The following LZTS1 variants were observed in gnomAD, a reference collection of about 807,000 sequenced individuals.
LZTS1 encodes leucine zipper tumor suppressor 1.
Under a neutral mutation model 45.8 loss-of-function variants are expected in LZTS1, and 31 were observed. The observed-to-expected ratio is 0.68, with a 90% CI of 0.51 to 0.91. The LOEUF (loss-of-function observed/expected upper bound fraction) is 0.91. Ranked by LOEUF, LZTS1 falls within the 40% of genes least tolerant of loss-of-function variation. The pLI is 0.00. For missense variants in LZTS1, 821 were observed against 788.9 expected (o/e 1.04, Z -0.49); for synonymous variants, 359 against 357.3 (o/e 1.00, Z -0.05).
rs1254068027 is a variant in LZTS1 at position 20,303,814 on chromosome 8, T to C, written c.-209A>G. The C allele has an allele frequency of 1.0e-6, 1 of 983,350 alleles. No individual in the cohort carries two copies. Among genetic ancestry groups the C allele is most frequent in the Non-Finnish European group, 1.2e-6 (1 of 829,450 alleles). The allele number at this position is 983,350 out of a possible 1,614,324, so 60.9% of individuals were successfully genotyped here. On this transcript the variant is annotated 5_prime_UTR_variant, in exon 1 of 4. Coordinates refer to ENST00000381569, the MANE Select transcript of LZTS1 (RefSeq NM_021020.5). ...TTTCCCGGTGTGTTCCCGTCTCTCT[T>C]TTTCCAGAGCTGCTGAGCGGGCCGG...
chr8:20,302,704 G>A lies in LZTS1; in HGVS notation c.-135+1036C>T, dbSNP rs184339851. 3.0e-3 allele frequency among the ~76,000 whole-genome samples: 451 copies of A among 152,354 alleles called. 7 individuals carry two copies. Among genetic ancestry groups the A allele is most frequent in the Admixed American group, 0.027 (411 of 15,310 alleles). On this transcript the variant is annotated intron_variant, in intron 1 of 3. Coordinates refer to ENST00000381569, the MANE Select transcript of LZTS1 (RefSeq NM_021020.5). ...CCAGCGCCCGGGACCAGAGAGTAGA[G>A]GGGCTGATGGCAGCGGGACGGTGTG...
intron 1 of LZTS1, among the ~76,000 whole-genome samples, chr8:20,271,787 A>G (rs999326226): frequency 6.6e-6 from 1 of 152,214 alleles, no homozygotes; most frequent in Non-Finnish European, 1.5e-5. Context: ...TAAGAATTCA[A>G]ACCCAAGACT....
At chr8:20,301,397 T>C (rs1195872471) in intron 1 of LZTS1, among the ~76,000 whole-genome samples, 1 of 152,140 alleles carries the variant, frequency 6.6e-6, no homozygotes, top group Non-Finnish European at 1.5e-5. Flanking sequence ...GAATAAAAAG[T>C]TCCAGGCACA....
intron 1 of LZTS1, among the ~76,000 whole-genome samples, chr8:20,303,319 C>T (rs571666611): frequency 1.8e-4 from 28 of 152,230 alleles, no homozygotes; most frequent in African/African-American, 6.5e-4. Flanking sequence ...TTCAGCGGCC[C>T]GGACCGACCG....
At chr8:20,258,306 G>C (rs532813625) in intron 1 of LZTS1, among the ~76,000 whole-genome samples, 2 of 152,274 alleles carry the variant, frequency 1.3e-5, no homozygotes, top group African/African-American at 2.4e-5. Context: ...GAAATCCCAG[G>C]TGGGACATGG....
intron 2 of LZTS1, among the ~76,000 whole-genome samples, chr8:20,254,551 A>G (rs1169203076): frequency 6.6e-6 from 1 of 152,194 alleles, no homozygotes; most frequent in Non-Finnish European, 1.5e-5. Flanking sequence ...CAATCCAGCT[A>G]CATTTCAGTG....
At position 20,249,830 on chromosome 8, in the gene LZTS1, C is replaced by G; in HGVS notation, c.1683G>C (p.Glu561Asp). 1 of 1,614,228 alleles carries G rather than the reference C, an allele frequency of 6.2e-7. No individual in the cohort carries two copies. The highest frequency in any genetic ancestry group is 8.5e-7 in the Non-Finnish European group (1 of 1,180,022). ...VAMYQRNQRL[E>D]KALQQLARGD... ...CACGTGCCAGCTGCTGCAGGGCCTT[C>G]TCCAGGCGCTGGTTCCGCTGGTACA... is the stretch of plus-strand genomic sequence containing the variant. The change falls in exon 4 of 4, where the codon GAG becomes GAC. Residue 561 changes from glutamate (E) to aspartate (D), a missense_variant. By Grantham distance (45) the Glu-to-Asp change is conservative (BLOSUM62 2). Coordinates refer to ENST00000381569, the MANE Select transcript of LZTS1 (RefSeq NM_021020.5).
At chr8:20,260,513 G>A (rs1391385062) in intron 1 of LZTS1, among the ~76,000 whole-genome samples, 2 of 152,192 alleles carry the variant, frequency 1.3e-5, no homozygotes, top group African/African-American at 4.8e-5. Context: ...ATCGCACGCT[G>A]CAATTGGGGA....
chr8:20,261,071 A>C (rs1800218215), intron 1 of LZTS1, among the ~76,000 whole-genome samples: 1 of 152,188 alleles, frequency 6.6e-6, no homozygotes, highest in Non-Finnish European at 1.5e-5. Flanking sequence ...GGACAGGGTC[A>C]ACAGACACAT....
At chr8:20,291,055 C>T (rs1367341932) in intron 1 of LZTS1, among the ~76,000 whole-genome samples, 2 of 152,236 alleles carry the variant, frequency 1.3e-5, no homozygotes, top group African/African-American at 4.8e-5. Context: ...GAGCATGACA[C>T]CCACTTTCAG....
intron 1 of LZTS1, among the ~76,000 whole-genome samples, chr8:20,268,239 G>A (rs1427861025): frequency 6.7e-6 from 1 of 148,266 alleles, no homozygotes; most frequent in Admixed American, 6.9e-5. Flanking sequence ...CTCTTGCAGA[G>A]ATGTGAGAAC....
chr8:20,249,467 G>T lies in LZTS1; in HGVS notation c.*255C>A. The T allele has an allele frequency of 2.0e-6, 1 of 490,600 alleles. No homozygotes were observed. The highest frequency in any genetic ancestry group is 1.9e-5 in the African/African-American group (1 of 51,958). The allele number at this position is 490,600 out of a possible 1,614,324, so 30.4% of individuals were successfully genotyped here. ...GTTTAGGGAGCCCTTAACCAAAGCAGACAGACCCCTGGACCCATCTCCTGG... is the reference window on the plus strand; with the variant it reads ...GTTTAGGGAGCCCTTAACCAAAGCATACAGACCCCTGGACCCATCTCCTGG... On this transcript the variant is annotated 3_prime_UTR_variant, in exon 4 of 4. Coordinates refer to ENST00000381569, the MANE Select transcript of LZTS1 (RefSeq NM_021020.5).
Position 20,253,145 on chromosome 8 carries a change from G to C in LZTS1, c.786C>G (p.Ser262Arg), listed in dbSNP as rs554505162. Residue 262 changes from serine to arginine, a missense_variant, in exon 3 of 4, where the codon AGC becomes AGG. By Grantham distance (110) the Ser-to-Arg change is moderately radical. Coordinates refer to ENST00000381569, the MANE Select transcript of LZTS1 (RefSeq NM_021020.5). ...VRSPISTDECSIQELEQKLLE... is the reference protein window; with the variant it reads ...VRSPISTDECRIQELEQKLLE... ...ACAGCTTCTGCTCCAGCTCCTGGAT[G>C]CTGCACTCGTCCGTGGAGATGGGGG... The C allele has an allele frequency of 1.1e-5, 17 of 1,613,150 alleles. No individual in the cohort carries two copies. In the East Asian group the frequency reaches 3.1e-4, roughly 30 times the overall value.
At chr8:20,273,423 C>A (rs1297934171) in intron 1 of LZTS1, among the ~76,000 whole-genome samples, 1 of 152,164 alleles carries the variant, frequency 6.6e-6, no homozygotes, top group Non-Finnish European at 1.5e-5. Context: ...CCCTAAACAT[C>A]CAACTGCGCT....
chr8:20,263,889 T>C (rs1484692604), intron 1 of LZTS1, among the ~76,000 whole-genome samples: 1 of 152,094 alleles, frequency 6.6e-6, no homozygotes, highest in Non-Finnish European at 1.5e-5. Flanking sequence ...TTTTGAGATA[T>C]GGAAATATGT....
At chr8:20,269,888 C>T (rs1800437749) in intron 1 of LZTS1, among the ~76,000 whole-genome samples, 1 of 152,154 alleles carries the variant, frequency 6.6e-6, no homozygotes, top group African/African-American at 2.4e-5. Context: ...GAGGGAAGTG[C>T]AGCAGGTGCA....
At chr8:20,299,406 C>T (rs1202331473) in intron 1 of LZTS1, among the ~76,000 whole-genome samples, 1 of 152,202 alleles carries the variant, frequency 6.6e-6, no homozygotes, top group African/African-American at 2.4e-5. Flanking sequence ...ACCACAATTA[C>T]TTTTGCAGCA....
Position 20,249,565 on chromosome 8 carries a change from A to C in LZTS1, c.*157T>G. ...GTGAGCACTGGGACATCAGAGAGGGAAGGAAAGGCCATCCTGCCCTCCCCT... is the reference window on the plus strand; with the variant it reads ...GTGAGCACTGGGACATCAGAGAGGGCAGGAAAGGCCATCCTGCCCTCCCCT... On this transcript the variant is annotated 3_prime_UTR_variant, in exon 4 of 4. Transcript: ENST00000381569. The C allele has an allele frequency of 1.2e-6, 1 of 863,940 alleles. No homozygotes were observed. The highest frequency in any genetic ancestry group is 1.7e-6 in the Non-Finnish European group (1 of 578,272). The allele number at this position is 863,940 out of a possible 1,614,324, so 53.5% of individuals were successfully genotyped here.
chr8:20,266,500 C>G (rs1454824532), intron 1 of LZTS1, among the ~76,000 whole-genome samples: 2 of 152,068 alleles, frequency 1.3e-5, no homozygotes, highest in Non-Finnish European at 2.9e-5. Flanking sequence ...GGTTTTCACT[C>G]AAACATTCAT....
Sources: gnomAD v4.1 joint callset for allele counts (sites outside exome capture counted in the v4.1 genomes callset) on GRCh38, gnomAD v4.1.1 for gene constraint, MANE v1.5 for transcripts, NCBI Gene and HGNC (gene_info 2026-07-23, HGNC 2026-07-21) for gene names.